Variants in HHLA1 observed in about 807,000 individuals in gnomAD.
HHLA1 encodes HERV-H LTR-associating protein 1.
HHLA1 carries 72 observed loss-of-function variants against 69.9 expected under a neutral mutation model. The ratio of observed to expected loss-of-function variants is 1.03; its 90% CI spans 0.85 to 1.25. The LOEUF (loss-of-function observed/expected upper bound fraction) is 1.25. Among genes scored for constraint, HHLA1 ranks in the 50% most tolerant of loss-of-function variants. The pLI, the probability that HHLA1 is intolerant of heterozygous loss-of-function variation, is 0.00. For synonymous variants in HHLA1, 252 were observed against 233.2 expected, an observed-to-expected ratio of 1.08 and a Z score of -0.73; for missense variants, 685 against 642.2, an observed-to-expected ratio of 1.07 and a Z score of -0.72.
chr8:132,086,596 A>G, intron 10 of HHLA1, among the ~76,000 whole-genome samples: 1 of 152,174 alleles, frequency 6.6e-6, no homozygotes, highest in East Asian at 1.9e-4. Flanking sequence ...ACAAAGTGGG[A>G]CAATTAATTG....
chr8:132,089,737 G>A (rs1238715922), intron 7 of HHLA1, 138 bp from the exon 8 acceptor site: 2 of 623,692 alleles, frequency 3.2e-6, no homozygotes, highest in African/African-American at 3.7e-5. Flanking sequence ...CAATGATACA[G>A]AGAAATACTA....
rs1823381589 is a variant in HHLA1, at chr8:132,063,195, C to T, written c.*800G>A. On this transcript the variant is annotated 3_prime_UTR_variant, in exon 17 of 17. Transcript: ENST00000414222. Reference sequence around the variant, plus strand: ...TTGTGCCTGGGCTCTCTTGGACTCTCTCTAGAGGTGCCTTTCACATTTGCT... The same window carrying T: ...TTGTGCCTGGGCTCTCTTGGACTCTTTCTAGAGGTGCCTTTCACATTTGCT... 1 of 152,258 alleles carries T rather than the reference C, an allele frequency of 6.6e-6. No homozygotes were observed. Among genetic ancestry groups the T allele is most frequent in the Non-Finnish European group, 1.5e-5 (1 of 68,054 alleles). 9.4% of individuals were successfully genotyped at this position (152,258 alleles called of 1,614,324 possible). A position where few individuals can be genotyped will look rare whatever the true frequency, so the allele number is the denominator to read the frequency against.
At chr8:132,092,723 C>A (rs911726773) in intron 7 of HHLA1, among the ~76,000 whole-genome samples, 1 of 152,216 alleles carries the variant, frequency 6.6e-6, no homozygotes, top group African/African-American at 2.4e-5. Flanking sequence ...GAACCATGAG[C>A]TGATTAGACC....
At chr8:132,110,655 G>A (rs983675273) in intron 1 of HHLA1, among the ~76,000 whole-genome samples, 6 of 152,184 alleles carry the variant, frequency 3.9e-5, no homozygotes, top group Non-Finnish European at 7.3e-5. Flanking sequence ...AGGATTGGAA[G>A]TCCAGTCTGT....
intron 10 of HHLA1, among the ~76,000 whole-genome samples, chr8:132,087,348 G>A (rs1823879913): frequency 6.6e-6 from 1 of 152,116 alleles, no homozygotes; most frequent in Admixed American, 6.5e-5. Flanking sequence ...GAAAAAAGTG[G>A]AAGGCAACAG....
chr8:132,068,230 C>A (rs1375542418), intron 15 of HHLA1, among the ~76,000 whole-genome samples: 1 of 152,200 alleles, frequency 6.6e-6, no homozygotes, highest in African/African-American at 2.4e-5. Flanking sequence ...ATGACCCACA[C>A]CTTCATGAGC....
chr8:132,087,362 G>A (rs975949208), intron 10 of HHLA1, among the ~76,000 whole-genome samples: 1 of 152,154 alleles, frequency 6.6e-6, no homozygotes, highest in Non-Finnish European at 1.5e-5. Context: ...GCAACAGGGG[G>A]CAGACAGGAC....
In HHLA1 at chr8:132,063,851, T is replaced by C; in HGVS notation, c.*144A>G. 3.4e-6 allele frequency: 1 copy of C among 294,304 alleles called. No individual in the cohort carries two copies. Among genetic ancestry groups the C allele is most frequent in the Admixed American group, 4.2e-5 (1 of 23,678 alleles). 18.2% of individuals were successfully genotyped at this position (294,304 alleles called of 1,614,324 possible). A position where few individuals can be genotyped will look rare whatever the true frequency, so the allele number is the denominator to read the frequency against. ...CAGGAGAGGGAAAAAAAATGCTACT[T>C]CCAAGAATAACCACTTTAAATTAAC... On this transcript the variant is annotated 3_prime_UTR_variant, in exon 17 of 17. Transcript: ENST00000414222.
chr8:132,093,866 GA>G (rs1316309344), intron 7 of HHLA1, among the ~76,000 whole-genome samples: 1 of 152,142 alleles, frequency 6.6e-6, no homozygotes. Flanking sequence ...TGTATTTGTT[GA>G]AGAGATTCAC....
chr8:132,095,231 T>G (rs1824003731), intron 7 of HHLA1, among the ~76,000 whole-genome samples: 1 of 152,252 alleles, frequency 6.6e-6, no homozygotes, highest in Non-Finnish European at 1.5e-5. Context: ...TATCTGTGGC[T>G]GTTTTTGAAA....
Position 132,069,183 on chromosome 8 carries a change from C to T in HHLA1, c.1469+2157G>A, listed in dbSNP as rs891512150. Among the ~76,000 whole-genome samples the T allele has an allele frequency of 1.3e-4, 20 of 152,132 alleles. 1 individual carries two copies. Among genetic ancestry groups the T allele is most frequent in the Admixed American group, 7.8e-4 (12 of 15,288 alleles). ...TGGTCCTTAGATGCTCCAGGCTACC[C>T]GTGACTCCATCTTTGCAGATGCTAT... is the stretch of plus-strand genomic sequence containing the variant. On this transcript the variant is annotated intron_variant, in intron 15 of 16. Transcript: ENST00000414222.
At chr8:132,077,110 A>G (rs1457187371) in intron 12 of HHLA1, among the ~76,000 whole-genome samples, 1 of 152,054 alleles carries the variant, frequency 6.6e-6, no homozygotes, top group Non-Finnish European at 1.5e-5. Flanking sequence ...CCAGTGAGAG[A>G]GAAGCTCAAG....
chr8:132,087,007 T>G (rs765434066), intron 10 of HHLA1, among the ~76,000 whole-genome samples: 5 of 152,226 alleles, frequency 3.3e-5, no homozygotes, highest in Non-Finnish European at 1.5e-5. Flanking sequence ...CATAGAAATG[T>G]CAACTGTGTT....
rs1013647459 is a variant in HHLA1, at chr8:132,089,589, A to G, written c.459T>C (p.Ala153=). Residue 153 remains alanine (A), a synonymous_variant, in exon 8 of 17, where the codon GCT becomes GCC. Transcript: ENST00000414222. ...NRTNDLSDFT[A]LLVDIIGNST... ...AATTGCCGATGATATCTACCAGTAG[A>G]GCTGTAAAATCTGCAAGACAAATTT... is the stretch of plus-strand genomic sequence containing the variant. The G allele has an allele frequency of 2.7e-6, 4 of 1,488,188 alleles. No homozygotes were observed. Among genetic ancestry groups the G allele is most frequent in the African/African-American group, 1.4e-5 (1 of 71,872 alleles). 92.2% of individuals were successfully genotyped at this position (1,488,188 alleles called of 1,614,324 possible).
intron 4 of HHLA1, among the ~76,000 whole-genome samples, chr8:132,099,329 A>C (rs1044929212): frequency 3.3e-5 from 5 of 152,184 alleles, no homozygotes; most frequent in Non-Finnish European, 7.4e-5. Flanking sequence ...GAAAATAAGT[A>C]CCCCATGTAA....
rs553620456 is a variant in HHLA1 at position 132,062,662 on chromosome 8, G to C, written c.*1333C>G. ...ATGCTCTACGTGGAGACTCAGCATAGATAGGGATACTGGAGCAACCGCAAA... is the reference window on the plus strand; with the variant it reads ...ATGCTCTACGTGGAGACTCAGCATACATAGGGATACTGGAGCAACCGCAAA... On this transcript the variant is annotated 3_prime_UTR_variant, in exon 17 of 17. Coordinates refer to ENST00000414222, the MANE Select transcript of HHLA1 (RefSeq NM_001145095.3). 3 of 152,250 alleles carry C rather than the reference G, an allele frequency of 2.0e-5. No homozygotes were observed. Among genetic ancestry groups the C allele is most frequent in the Admixed American group, 2.0e-4 (3 of 15,284 alleles). 9.4% of individuals were successfully genotyped at this position (152,250 alleles called of 1,614,324 possible).
rs2130870470 is a variant in HHLA1 at position 132,062,237 on chromosome 8, C to T, written c.*1758G>A. ...TCTTTGCAAAAGTCATGATAATATA[C>T]ATTTATGAGCTTGACATTTGCATAA... On this transcript the variant is annotated 3_prime_UTR_variant, in exon 17 of 17. Transcript: ENST00000414222. 1 of 152,304 alleles carries T rather than the reference C, an allele frequency of 6.6e-6. No individual in the cohort carries two copies. The highest frequency in any genetic ancestry group is 2.1e-4 in the South Asian group (1 of 4,834). 9.4% of individuals were successfully genotyped at this position (152,304 alleles called of 1,614,324 possible). A position where few individuals can be genotyped will look rare whatever the true frequency, so the allele number is the denominator to read the frequency against.
chr8:132,071,566 A>C, intron 14 of HHLA1, 73 bp from the exon 15 acceptor site: 1 of 1,401,964 alleles, frequency 7.1e-7, no homozygotes, highest in East Asian at 2.5e-5. Flanking sequence ...TAAGCCCTGC[A>C]TCAGGTGAAT....
intron 3 of HHLA1, among the ~76,000 whole-genome samples, chr8:132,101,024 C>A (rs1563749452): frequency 6.6e-6 from 1 of 151,948 alleles, no homozygotes; most frequent in Non-Finnish European, 1.5e-5. Flanking sequence ...TTATTGGGGT[C>A]ACAGAGAGGT....
Sources: gnomAD v4.1 joint callset for allele counts (sites outside exome capture counted in the v4.1 genomes callset) on GRCh38, gnomAD v4.1.1 for gene constraint, MANE v1.5 for transcripts, NCBI Gene and HGNC (gene_info 2026-07-23, HGNC 2026-07-21) for gene names.